Variants in ADGRL2 observed in about 807,000 individuals in gnomAD.
The protein encoded by ADGRL2 is adhesion G protein-coupled receptor L2.
Under a neutral mutation model 157.4 loss-of-function variants are expected in ADGRL2, and 44 were observed. The observed-to-expected ratio is 0.28, with a 90% CI of 0.22 to 0.36. The LOEUF (loss-of-function observed/expected upper bound fraction) is 0.36, where lower values mean the gene tolerates loss of function less well. Among genes scored for constraint, ADGRL2 ranks in the 10% least tolerant of loss-of-function variants. The pLI is 1.00. For missense variants in ADGRL2, 1,510 were observed against 1,768.9 expected, an observed-to-expected ratio of 0.85 and a Z score of 2.63; for synonymous variants, 585 against 624.7, an observed-to-expected ratio of 0.94 and a Z score of 0.95.
intron 2 of ADGRL2, among the ~76,000 whole-genome samples, chr1:81,784,653 G>A (rs1461934455): frequency 6.6e-6 from 1 of 151,316 alleles, no homozygotes; most frequent in African/African-American, 2.4e-5. Flanking sequence ...ACTTGAACCT[G>A]GGAGGTGCAG....
chr1:81,788,193 AG>A (rs77424027), intron 2 of ADGRL2, among the ~76,000 whole-genome samples: 10,045 of 152,242 alleles, frequency 0.066, 367 homozygotes, highest in African/African-American at 0.084. Flanking sequence ...CAGAGAATAC[AG>A]GGAGTAAGAA....
At chr1:81,867,975 T>C (rs2093590579) in intron 2 of ADGRL2, among the ~76,000 whole-genome samples, 1 of 152,042 alleles carries the variant, frequency 6.6e-6, no homozygotes. Context: ...CAGATAAATA[T>C]GTAGGCCAAT....
At chr1:81,974,529 G>A (rs1032123805) in intron 17 of ADGRL2, among the ~76,000 whole-genome samples, 2 of 152,154 alleles carry the variant, frequency 1.3e-5, no homozygotes, top group Non-Finnish European at 1.5e-5. Flanking sequence ...GGAGATACAA[G>A]TATAGCTTTA....
chr1:81,818,092 C>T (rs185107744), intron 1 of ADGRL2, among the ~76,000 whole-genome samples: 7 of 152,114 alleles, frequency 4.6e-5, no homozygotes, highest in African/African-American at 1.7e-4. Flanking sequence ...ATTGCTTGAG[C>T]CCATGAGTAC....
chr1:81,780,861 C>CCT (rs1301932992), intron 2 of ADGRL2, among the ~76,000 whole-genome samples: 1 of 152,060 alleles, frequency 6.6e-6, no homozygotes, highest in East Asian at 1.9e-4. Context: ...GCTATGTCCC[C>CCT]CCACAGAATA....
intron 2 of ADGRL2, among the ~76,000 whole-genome samples, chr1:81,484,874 G>A (rs571592431): frequency 2.8e-4 from 42 of 152,218 alleles, no homozygotes; most frequent in Non-Finnish European, 1.8e-4. Flanking sequence ...AAATTTGCAT[G>A]AAGTTAGTAT....
chr1:81,679,928 CTT>C (rs2083074535), intron 3 of ADGRL2, among the ~76,000 whole-genome samples: 1 of 152,144 alleles, frequency 6.6e-6, no homozygotes, highest in African/African-American at 2.4e-5. Context: ...TTCTTTCAGT[CTT>C]TTCATCAACT....
intron 1 of ADGRL2, among the ~76,000 whole-genome samples, chr1:81,802,347 C>A (rs1379859621): frequency 6.6e-6 from 1 of 152,050 alleles, no homozygotes; most frequent in Non-Finnish European, 1.5e-5. Context: ...GTTAATGGGG[C>A]TCGGCTGTTG....
chr1:81,750,782 T>A (rs964249678), intron 1 of ADGRL2, among the ~76,000 whole-genome samples: 1 of 152,098 alleles, frequency 6.6e-6, no homozygotes, highest in Non-Finnish European at 1.5e-5. Context: ...TGGTGCTGGT[T>A]TGGAAATGGA....
intron 1 of ADGRL2, among the ~76,000 whole-genome samples, chr1:81,386,534 A>G (rs2076439040): frequency 2.0e-5 from 3 of 152,168 alleles, no homozygotes; most frequent in Admixed American, 2.0e-4. Flanking sequence ...AGAAGCACGC[A>G]TTGCCTTTGT....
At chr1:81,478,057 T>C (rs763528497) in intron 2 of ADGRL2, among the ~76,000 whole-genome samples, 1 of 149,342 alleles carries the variant, frequency 6.7e-6, no homozygotes, top group Non-Finnish European at 1.5e-5. Flanking sequence ...GGGGGTTTTC[T>C]TTAAACATAC....
At chr1:81,698,206 G>T (rs1197078283), upstream of ADGRL2, among the ~76,000 whole-genome samples, 1 of 152,068 alleles carries the variant, frequency 6.6e-6, no homozygotes, top group Non-Finnish European at 1.5e-5. Context: ...ATTCAGGAAG[G>T]TATTGGTCAA....
intron 1 of ADGRL2, among the ~76,000 whole-genome samples, chr1:81,341,735 TG>T (rs1662090359): frequency 6.6e-6 from 1 of 152,174 alleles, no homozygotes; most frequent in South Asian, 2.1e-4. Context: ...TAGAGCTCAT[TG>T]GGAGTTACAT....
intron 3 of ADGRL2, among the ~76,000 whole-genome samples, chr1:81,678,614 C>G (rs538017686): frequency 9.9e-5 from 15 of 152,224 alleles, no homozygotes; most frequent in Non-Finnish European, 1.9e-4. Flanking sequence ...CATGCTAGCA[C>G]AAAGGAAAGC....
At chr1:81,351,759 T>G (rs1442323089) in intron 1 of ADGRL2, among the ~76,000 whole-genome samples, 1 of 152,226 alleles carries the variant, frequency 6.6e-6, no homozygotes, top group African/African-American at 2.4e-5. Flanking sequence ...AAAAAAGCAT[T>G]CCTGTTAGCG....
chr1:81,738,675 TC>T (rs2084978889), intron 1 of ADGRL2, among the ~76,000 whole-genome samples: 1 of 152,228 alleles, frequency 6.6e-6, no homozygotes, highest in African/African-American at 2.4e-5. Context: ...GTTTGGCCTC[TC>T]CCTATTCCAT....
intron 3 of ADGRL2, among the ~76,000 whole-genome samples, chr1:81,908,070 C>A (rs1021863491): frequency 9.9e-5 from 15 of 152,182 alleles, no homozygotes; most frequent in Admixed American, 9.8e-4. Context: ...AGACACTTAA[C>A]ATTGTATTAT....
intron 1 of ADGRL2, among the ~76,000 whole-genome samples, chr1:81,347,445 G>A (rs1447558124): frequency 6.6e-6 from 1 of 152,056 alleles, no homozygotes; most frequent in Non-Finnish European, 1.5e-5. Context: ...ATGAGGGACA[G>A]TTTATTGGAA....
At chr1:81,321,419 A>G (rs570447537) in intron 1 of ADGRL2, among the ~76,000 whole-genome samples, 5 of 152,312 alleles carry the variant, frequency 3.3e-5, no homozygotes, top group African/African-American at 1.2e-4. Context: ...AACATGTCTG[A>G]GCTTTTAACA....
Sources: allele counts gnomAD v4.1 joint callset (sites outside exome capture counted in the v4.1 genomes callset), GRCh38; gene constraint gnomAD v4.1.1; transcripts MANE v1.5; gene names NCBI Gene and HGNC (gene_info 2026-07-23, HGNC 2026-07-21).